USP13: variants seen among roughly 807,000 people sequenced by gnomAD.
The protein encoded by USP13 is ubiquitin specific peptidase 13.
A neutral mutation model predicts 107.8 loss-of-function variants in USP13; 68 were observed. The ratio of observed to expected loss-of-function variants is 0.63; its 90% confidence interval spans 0.52 to 0.77. The LOEUF is 0.77. Ranked by LOEUF, USP13 falls within the 30% of genes least tolerant of loss-of-function variation. USP13 has a pLI of 0.00. For missense variants in USP13, 945 were observed against 1,093.3 expected (o/e 0.86, Z 1.91); for synonymous variants, 377 against 389.5 (o/e 0.97, Z 0.38).
chr3:179,671,598 T>C (rs1014823325), intron 1 of USP13, among the ~76,000 whole-genome samples: 7 of 152,190 alleles, frequency 4.6e-5, no homozygotes, highest in African/African-American at 1.7e-4. Context: ...TTTCTATCAG[T>C]AAATACTCAT....
rs1715878442 is a variant in USP13 at position 179,785,085 on chromosome 3, A to G, written c.*944A>G. The G allele has an allele frequency of 6.6e-6, 1 of 152,198 alleles. No individual in the cohort carries two copies. Among genetic ancestry groups the G allele is most frequent in the African/African-American group, 2.4e-5 (1 of 41,452 alleles). 9.4% of individuals were successfully genotyped at this position (152,198 alleles called of 1,614,324 possible). On this transcript the variant is annotated 3_prime_UTR_variant, in exon 21 of 21. Coordinates refer to ENST00000263966, the MANE Select transcript of USP13 (RefSeq NM_003940.3). Reference sequence around the variant, plus strand: ...CTGTTTCTCAGCAGCCCTTTCCCCAAAAGGTATGGTGTTTATTTTTAGTAA... The same window carrying G: ...CTGTTTCTCAGCAGCCCTTTCCCCAGAAGGTATGGTGTTTATTTTTAGTAA...
chr3:179,785,149 C>A lies in USP13; in HGVS notation c.*1008C>A, dbSNP rs1449439391. 1 of 152,184 alleles carries A rather than the reference C, an allele frequency of 6.6e-6. No homozygotes were observed. Among genetic ancestry groups the A allele is most frequent in the African/African-American group, 2.4e-5 (1 of 41,430 alleles). 9.4% of individuals were successfully genotyped at this position (152,184 alleles called of 1,614,324 possible). A position where few individuals can be genotyped will look rare whatever the true frequency, so the allele number is the denominator to read the frequency against. On this transcript the variant is annotated 3_prime_UTR_variant, in exon 21 of 21. Coordinates refer to ENST00000263966, the MANE Select transcript of USP13 (RefSeq NM_003940.3). The stretch of plus-strand genomic sequence containing the variant: ...CTTTTTACCATCTCACATGATAACT[C>A]TTTGGAGTCATGTCAAGTGCCCCAA...
chr3:179,653,198 T>C lies in USP13; in HGVS notation c.-28T>C. The C allele has an allele frequency of 1.5e-6, 2 of 1,346,134 alleles. No individual in the cohort carries two copies. Among genetic ancestry groups the C allele is most frequent in the Non-Finnish European group, 1.9e-6 (2 of 1,043,332 alleles). The allele number at this position is 1,346,134 out of a possible 1,614,324, so 83.4% of individuals were successfully genotyped here. A position where few individuals can be genotyped will look rare whatever the true frequency, so the allele number is the denominator to read the frequency against. ...CCCCGCGCTCCGGCTCCGGCTCGGCTCGCTCGGCTCCGGTGCGCGCCGAGG... is the reference window on the plus strand; with the variant it reads ...CCCCGCGCTCCGGCTCCGGCTCGGCCCGCTCGGCTCCGGTGCGCGCCGAGG... On this transcript the variant is annotated 5_prime_UTR_variant, in exon 1 of 21. Transcript: ENST00000263966. This position sits in a 1 kb window ranked among gnomAD's most constrained non-coding sequence, Gnocchi z 4.0.
chr3:179,665,622 G>A (rs1167864200), intron 1 of USP13, among the ~76,000 whole-genome samples: 1 of 152,142 alleles, frequency 6.6e-6, no homozygotes. Context: ...GTCTTGCTGT[G>A]TTGCCCAGGC....
intron 6 of USP13, among the ~76,000 whole-genome samples, chr3:179,715,320 A>C (rs1249666750): frequency 6.6e-6 from 1 of 151,138 alleles, no homozygotes; most frequent in Non-Finnish European, 1.5e-5. Flanking sequence ...CTCTCTTTAA[A>C]GAGATCCTAC....
intron 4 of USP13, 26 bp from the exon 5 acceptor site, chr3:179,706,908 A>G: frequency 1.9e-6 from 3 of 1,589,940 alleles, no homozygotes; most frequent in Admixed American, 1.9e-5. Flanking sequence ...CTGTTTTTAT[A>G]TATTACATCT....
intron 1 of USP13, among the ~76,000 whole-genome samples, chr3:179,662,532 T>C (rs1181257890): frequency 6.6e-6 from 1 of 152,172 alleles, no homozygotes. Flanking sequence ...TTCCAGACTT[T>C]AGTGCTATAG....
rs191338044 is a variant in USP13 at position 179,736,378 on chromosome 3, C to G, written c.1255-3869C>G. ...AAGTGAGCATATTAATAGTTGACCA[C>G]GGGAATTAGTAAGACGTCCCCTCTG... On this transcript the variant is annotated intron_variant, in intron 10 of 20. Coordinates refer to ENST00000263966, the MANE Select transcript of USP13 (RefSeq NM_003940.3). 1.1e-3 allele frequency among the ~76,000 whole-genome samples: 170 copies of G among 152,216 alleles called. 1 individual carries two copies. Among genetic ancestry groups the G allele is most frequent in the African/African-American group, 3.9e-3 (164 of 41,542 alleles).
chr3:179,653,585 C>CTGG lies in USP13; in HGVS notation c.168+197_168+199dup. 2.5e-6 allele frequency: 2 copies of CTGG among 802,214 alleles called. No individual in the cohort carries two copies. Among genetic ancestry groups the CTGG allele is most frequent in the South Asian group, 3.9e-5 (2 of 51,028 alleles). 49.7% of individuals were successfully genotyped at this position (802,214 alleles called of 1,614,324 possible). A position where few individuals can be genotyped will look rare whatever the true frequency, so the allele number is the denominator to read the frequency against. ...TGCTGCAGCCGAGGACTGGCTCGTG[C>CTGG]TGGTGGTTTTGCTCCGCCAGCCTCC... On this transcript the variant is annotated intron_variant, in intron 1 of 20. Coordinates refer to ENST00000263966, the MANE Select transcript of USP13 (RefSeq NM_003940.3). This position sits in a 1 kb window ranked among gnomAD's most constrained non-coding sequence, Gnocchi z 4.0.
intron 19 of USP13, among the ~76,000 whole-genome samples, chr3:179,766,526 C>T (rs944181885): frequency 1.3e-5 from 2 of 152,150 alleles, no homozygotes; most frequent in African/African-American, 2.4e-5. Flanking sequence ...TTGATCATAT[C>T]GTTACCCGTA....
intron 11 of USP13, among the ~76,000 whole-genome samples, chr3:179,741,466 G>C (rs1454550904): frequency 1.3e-5 from 2 of 150,768 alleles, no homozygotes; most frequent in Non-Finnish European, 3.0e-5. Context: ...TTTTTTTTTA[G>C]AATAAAGCCT....
intron 5 of USP13, among the ~76,000 whole-genome samples, chr3:179,707,701 G>A (rs1005458963): frequency 6.6e-6 from 1 of 152,160 alleles, no homozygotes; most frequent in Non-Finnish European, 1.5e-5. Context: ...CATTTTGGCT[G>A]GAATACTCTT....
intron 19 of USP13, among the ~76,000 whole-genome samples, chr3:179,780,786 G>A (rs1438088589): frequency 6.6e-6 from 1 of 152,052 alleles, no homozygotes; most frequent in African/African-American, 2.4e-5. Flanking sequence ...AGAGACAGAG[G>A]GGTAAGAGAA....
At chr3:179,706,815 A>G in intron 4 of USP13, 119 bp from the exon 5 acceptor site, 1 of 1,220,874 alleles carries the variant, frequency 8.2e-7, no homozygotes, top group Non-Finnish European at 1.1e-6. Context: ...TCTTGCGACA[A>G]CTACGCTGTT....
At chr3:179,761,382 C>A in intron 17 of USP13, 127 bp downstream of exon 17, 1 of 1,244,760 alleles carries the variant, frequency 8.0e-7, no homozygotes, top group Non-Finnish European at 1.1e-6. Context: ...TAATCTCCTG[C>A]AGTGGAGGAG....
chr3:179,779,092 A>G (rs554260263), intron 19 of USP13, among the ~76,000 whole-genome samples: 9 of 152,238 alleles, frequency 5.9e-5, no homozygotes, highest in Middle Eastern at 3.4e-3. Context: ...AGGCCAAGGT[A>G]GCTGGACCAG....
chr3:179,730,969 A>G (rs1038252127), intron 10 of USP13, among the ~76,000 whole-genome samples: 1 of 152,250 alleles, frequency 6.6e-6, no homozygotes, highest in Admixed American at 6.5e-5. Flanking sequence ...AGTATTCTTT[A>G]TAAAATAGAG....
In USP13 at chr3:179,677,837, G is replaced by T. The variant is rs146273443; in HGVS notation, c.169-4041G>T. Among the ~76,000 whole-genome samples, 469 of 152,132 alleles carry T rather than the reference G, an allele frequency of 3.1e-3. 2 individuals are homozygous for T. The highest frequency in any genetic ancestry group is 0.011 in the African/African-American group (453 of 41,506). ...TTAATATTTGTTACTCCCAGCCTAT[G>T]TGGCTGTCAGACTCACTTATTCTTC... On this transcript the variant is annotated intron_variant, in intron 1 of 20. Coordinates refer to ENST00000263966, the MANE Select transcript of USP13 (RefSeq NM_003940.3).
intron 4 of USP13, among the ~76,000 whole-genome samples, chr3:179,702,905 A>C (rs1036232887): frequency 3.9e-5 from 6 of 152,222 alleles, no homozygotes; most frequent in Non-Finnish European, 7.3e-5. Flanking sequence ...TTCTGCTGTC[A>C]GAAGAGAAGA....
Sources: gnomAD v4.1 joint callset for allele counts (sites outside exome capture counted in the v4.1 genomes callset) on GRCh38, gnomAD v4.1.1 for gene constraint, Gnocchi (gnomAD v3.1) non-coding constraint, MANE v1.5 for transcripts, NCBI Gene and HGNC (gene_info 2026-07-23, HGNC 2026-07-21) for gene names.